The following GSR variants were observed in gnomAD, a reference collection of about 807,000 sequenced individuals.
The protein encoded by GSR is glutathione reductase, mitochondrial.
In GSR, 48 loss-of-function variants were observed where a neutral mutation model predicts 56.5. The observed-to-expected ratio is 0.85, with a 90% CI of 0.67 to 1.08. GSR has a LOEUF of 1.08. Among genes scored for constraint, GSR ranks in the 50% least tolerant of loss-of-function variants. GSR has a pLI of 0.00. For synonymous variants in GSR, 264 were observed against 270.8 expected, an observed-to-expected ratio of 0.97 and a Z score of 0.25; for missense variants, 694 against 703.3, an observed-to-expected ratio of 0.99 and a Z score of 0.15.
Position 30,706,502 on chromosome 8 carries a change from CACAAATAA to C in GSR, c.492+1562_492+1569del, listed in dbSNP as rs60897195. Among the ~76,000 whole-genome samples, 1,175 of 151,614 alleles carry C rather than the reference CACAAATAA, an allele frequency of 7.7e-3. 19 individuals carry two copies. The highest frequency in any genetic ancestry group is 0.027 in the African/African-American group (1,102 of 41,082). ...TGGGCGACAGAGCAAGATTCTGTTT[CACAAATAA>C]ACAAACAAACAAACAAACAAACAAC... On this transcript the variant is annotated intron_variant, in intron 4 of 12. Transcript: ENST00000221130.
At chr8:30,709,765 G>T in intron 3 of GSR, 49 bp downstream of exon 3, 1 of 1,064,172 alleles carries the variant, frequency 9.4e-7, no homozygotes, top group Non-Finnish European at 1.5e-6. Context: ...AGTTATAAAA[G>T]AAAAATATCT....
At chr8:30,715,783 A>T (rs1005976717) in intron 1 of GSR, among the ~76,000 whole-genome samples, 3 of 152,186 alleles carry the variant, frequency 2.0e-5, no homozygotes, top group African/African-American at 4.8e-5. Flanking sequence ...TAAAGCACTC[A>T]ATGTTCTAAA....
intron 2 of GSR, among the ~76,000 whole-genome samples, chr8:30,710,768 A>AAAT (rs1804113533): frequency 1.5e-5 from 2 of 129,952 alleles, no homozygotes; most frequent in Non-Finnish European, 3.3e-5. Flanking sequence ...AAGAAAAAAA[A>AAAT]ATATATAAAT....
intron 12 of GSR, among the ~76,000 whole-genome samples, 161 bp from the exon 13 acceptor site, chr8:30,679,830 C>T (rs1397166256): frequency 1.3e-5 from 2 of 151,688 alleles, no homozygotes; most frequent in African/African-American, 4.8e-5. Flanking sequence ...CTCAGCCTCC[C>T]GAGTAGCTGG....
Position 30,679,603 on chromosome 8 carries a change from T to G in GSR, c.1486A>C (p.Lys496Gln), listed in dbSNP as rs371380535. ...AAGTCTGCCTTCGTTGCTCCCATCT[T>G]CACTGCAACAGCAAAACCCTGCAGC... Reference protein sequence around the residue: ...EMLQGFAVAVKMGATKADFDN... With the variant: ...EMLQGFAVAVQMGATKADFDN... The change falls in exon 13 of 13, where the codon AAG becomes CAG. Residue 496 changes from lysine (K) to glutamine (Q), a missense_variant. Lys to Gln is a moderately conservative substitution (Grantham distance 53). Coordinates refer to ENST00000221130, the MANE Select transcript of GSR (RefSeq NM_000637.5). 3.2e-5 allele frequency: 52 copies of G among 1,613,896 alleles called. No homozygotes were observed. Among genetic ancestry groups the G allele is most frequent in the Non-Finnish European group, 4.1e-5 (48 of 1,179,948 alleles).
At chr8:30,704,202 G>A (rs536343280) in intron 4 of GSR, among the ~76,000 whole-genome samples, 1 of 152,214 alleles carries the variant, frequency 6.6e-6, no homozygotes, top group South Asian at 2.1e-4. Flanking sequence ...GCGGGCACCT[G>A]TAATCCCAGC....
intron 8 of GSR, among the ~76,000 whole-genome samples, chr8:30,689,703 C>T (rs1411970910): frequency 6.7e-6 from 1 of 149,962 alleles, no homozygotes; most frequent in South Asian, 2.1e-4. Context: ...CTTTTCAAAA[C>T]TGCACAATTA....
At chr8:30,709,095 C>T (rs1278897238) in intron 3 of GSR, among the ~76,000 whole-genome samples, 2 of 151,990 alleles carry the variant, frequency 1.3e-5, no homozygotes, top group Non-Finnish European at 2.9e-5. Context: ...CAGTGGCTCA[C>T]ACTTGTAATC....
intron 1 of GSR, among the ~76,000 whole-genome samples, chr8:30,714,921 A>C (rs1019670059): frequency 4.6e-5 from 7 of 152,186 alleles, no homozygotes; most frequent in Admixed American, 1.3e-4. Flanking sequence ...TTATTCCACT[A>C]TTCCTGCCAG....
chr8:30,679,700 TTTC>T, intron 12 of GSR, 31 bp from the exon 13 acceptor site: 3 of 1,567,976 alleles, frequency 1.9e-6, no homozygotes, highest in Non-Finnish European at 2.6e-6. Flanking sequence ...TTTTCTTTTC[TTTC>T]TTCTTTTTTT....
intron 1 of GSR, among the ~76,000 whole-genome samples, chr8:30,719,107 T>A (rs1463222712): frequency 7.4e-6 from 1 of 135,620 alleles, no homozygotes; most frequent in Non-Finnish European, 1.6e-5. Flanking sequence ...TTTTTAAATT[T>A]TTTTTTTTTT....
rs1804168218 is a variant in GSR, at chr8:30,712,161, C to T, written c.307-73G>A. Reference sequence around the variant, plus strand: ...CATCAAACGAAATCTGCAAGAAATGCACGCTAAGCATCAAGCGAGGAGTCT... The same window carrying T: ...CATCAAACGAAATCTGCAAGAAATGTACGCTAAGCATCAAGCGAGGAGTCT... On this transcript the variant is annotated intron_variant, in intron 1 of 12. Coordinates refer to ENST00000221130, the MANE Select transcript of GSR (RefSeq NM_000637.5). 5.1e-6 allele frequency: 4 copies of T among 778,760 alleles called. No homozygotes were observed. The Admixed American group carries it at 8.1e-5, about 16-fold the overall frequency. 48.2% of individuals were successfully genotyped at this position (778,760 alleles called of 1,614,324 possible).
intron 9 of GSR, among the ~76,000 whole-genome samples, chr8:30,687,009 G>T (rs1196512193): frequency 6.6e-6 from 1 of 151,302 alleles, no homozygotes; most frequent in South Asian, 2.1e-4. Context: ...GCTAATTTTT[G>T]TATTATTAGT....
chr8:30,679,276 T>A lies in GSR; in HGVS notation c.*244A>T, dbSNP rs8191040. 8.8e-6 allele frequency: 4 copies of A among 454,424 alleles called. No homozygotes were observed. The highest frequency in any genetic ancestry group is 4.1e-5 in the African/African-American group (2 of 48,950). 28.1% of individuals were successfully genotyped at this position (454,424 alleles called of 1,614,324 possible). A position where few individuals can be genotyped will look rare whatever the true frequency, so the allele number is the denominator to read the frequency against. On this transcript the variant is annotated 3_prime_UTR_variant, in exon 13 of 13. Coordinates refer to ENST00000221130, the MANE Select transcript of GSR (RefSeq NM_000637.5). ...AAAAAAACTAGCACAGAGCTGTTAA[T>A]AAAAAAAAAACTTGAAAATATTAAT...
intron 4 of GSR, among the ~76,000 whole-genome samples, chr8:30,706,108 C>T (rs1248301299): frequency 2.0e-5 from 3 of 150,050 alleles, no homozygotes; most frequent in African/African-American, 4.9e-5. Flanking sequence ...CCTGGGAGGT[C>T]GAGGCTGTAG....
At chr8:30,695,476 C>T (rs1231087025) in intron 7 of GSR, among the ~76,000 whole-genome samples, 11 of 152,028 alleles carry the variant, frequency 7.2e-5, no homozygotes, top group African/African-American at 2.4e-4. Flanking sequence ...TCAAGTGATC[C>T]GCCCGCCTCA....
At chr8:30,689,037 T>C in intron 9 of GSR, 124 bp downstream of exon 9, 1 of 809,992 alleles carries the variant, frequency 1.2e-6, no homozygotes, top group South Asian at 1.5e-5. Flanking sequence ...ACAAACTGAA[T>C]ACATGGGAAA....
intron 11 of GSR, among the ~76,000 whole-genome samples, chr8:30,681,286 T>C (rs1367685634): frequency 2.6e-5 from 4 of 152,096 alleles, no homozygotes; most frequent in Non-Finnish European, 5.9e-5. Flanking sequence ...TCCCTGCACT[T>C]TGAGAGGCAG....
intron 1 of GSR, among the ~76,000 whole-genome samples, chr8:30,717,895 T>A (rs1051874964): frequency 6.6e-6 from 1 of 151,256 alleles, no homozygotes; most frequent in African/African-American, 2.4e-5. Context: ...AGGTCAGGAG[T>A]TCAAGACCAG....
Sources: allele counts gnomAD v4.1 joint callset (sites outside exome capture counted in the v4.1 genomes callset), GRCh38; gene constraint gnomAD v4.1.1; transcripts MANE v1.5; gene names NCBI Gene and HGNC (gene_info 2026-07-23, HGNC 2026-07-21).